Variants in HERC2 observed in about 807,000 individuals in gnomAD.
The protein encoded by HERC2 is HECT and RLD domain containing E3 ubiquitin protein ligase 2, also known as E3 ubiquitin-protein ligase HERC2.
Under a neutral mutation model 537.7 loss-of-function variants are expected in HERC2, and 102 were observed. The ratio of observed to expected loss-of-function variants is 0.19; its 90% CI spans 0.16 to 0.22. HERC2 has a LOEUF of 0.22. Ranked by LOEUF, HERC2 falls within the 10% of genes least tolerant of loss-of-function variation. The probability of loss-of-function intolerance (pLI) is 1.00; values close to 1 mark genes in which losing one functional copy is unlikely to be tolerated. For synonymous variants in HERC2, 2,224 were observed against 2,466.2 expected (o/e 0.90, Z 2.91); for missense variants, 4,236 against 6,198.2 (o/e 0.68, Z 10.63).
chr15:28,295,311 G>T (rs868342611), intron 3 of HERC2, among the ~76,000 whole-genome samples: 8,461 of 109,012 alleles, frequency 0.078, 1,268 homozygotes, highest in African/African-American at 0.27. Flanking sequence ...ATGTGTGTGG[G>T]GGGGGGGGAG....
chr15:28,120,366 G>C (rs182020458), intron 86 of HERC2, among the ~76,000 whole-genome samples: 6 of 152,228 alleles, frequency 3.9e-5, no homozygotes, highest in Admixed American at 2.0e-4. Flanking sequence ...ATCAACATCA[G>C]GGTAAAAATC....
chr15:28,145,454 C>T (rs769205518), intron 71 of HERC2, among the ~76,000 whole-genome samples: 9 of 152,232 alleles, frequency 5.9e-5, no homozygotes, highest in Non-Finnish European at 8.8e-5. Flanking sequence ...GAAAAACTCA[C>T]ATCCAACAAC....
chr15:28,315,422 G>A (rs544287652), intron 2 of HERC2, among the ~76,000 whole-genome samples: 310 of 152,328 alleles, frequency 2.0e-3, no homozygotes, highest in African/African-American at 6.8e-3. Context: ...AGAGAGAGGC[G>A]GCTAAGGAAT....
chr15:28,256,472 AC>A (rs1567079708), intron 17 of HERC2, among the ~76,000 whole-genome samples, 155 bp from the exon 18 acceptor site: 1 of 152,214 alleles, frequency 6.6e-6, no homozygotes, highest in African/African-American at 2.4e-5. Context: ...AAAAACTCTT[AC>A]CCACAATAGT....
At chr15:28,210,424 T>C (rs529145744) in intron 44 of HERC2, among the ~76,000 whole-genome samples, 104 of 152,242 alleles carry the variant, frequency 6.8e-4, no homozygotes, top group African/African-American at 2.1e-3. Flanking sequence ...GCATGAGCCA[T>C]TGTGCCCGGC....
intron 57 of HERC2, 37 bp from the exon 58 acceptor site, chr15:28,179,260 G>C (rs768586351): frequency 6.8e-6 from 10 of 1,463,410 alleles, no homozygotes; most frequent in Admixed American, 2.1e-5. Flanking sequence ...AAAAAGAAAA[G>C]AAAATTTTAC....
chr15:28,228,455 G>A (rs1464376947), intron 34 of HERC2, 46 bp from the exon 35 acceptor site: 3 of 1,567,972 alleles, frequency 1.9e-6, no homozygotes, highest in Non-Finnish European at 2.6e-6. Context: ...ATGGATACAA[G>A]AATAAACGTA....
intron 2 of HERC2, among the ~76,000 whole-genome samples, chr15:28,318,578 G>A (rs2077151266): frequency 6.6e-6 from 1 of 151,730 alleles, no homozygotes; most frequent in Non-Finnish European, 1.5e-5. Context: ...AGCCAAGATG[G>A]CACCACTGCA....
At chr15:28,217,968 T>A (rs1264432946) in intron 38 of HERC2, among the ~76,000 whole-genome samples, 1 of 151,922 alleles carries the variant, frequency 6.6e-6, no homozygotes, top group Admixed American at 6.5e-5. Flanking sequence ...AGAGAACAAA[T>A]TTGTTGTTTG....
At chr15:28,197,874 G>A (rs1246420801) in intron 50 of HERC2, among the ~76,000 whole-genome samples, 1 of 152,090 alleles carries the variant, frequency 6.6e-6, no homozygotes, top group East Asian at 1.9e-4. Flanking sequence ...ATGAATCAAG[G>A]CACAACCAAA....
chr15:28,196,185 G>A (rs1458134406), intron 52 of HERC2, 30 bp downstream of exon 52: 3 of 1,260,254 alleles, frequency 2.4e-6, no homozygotes, highest in Non-Finnish European at 3.3e-6. Flanking sequence ...AATATTTGGT[G>A]GAAGAGAGAA....
At chr15:28,181,038 A>G in intron 57 of HERC2, among the ~76,000 whole-genome samples, 1 of 152,186 alleles carries the variant, frequency 6.6e-6, no homozygotes, top group East Asian at 1.9e-4. Context: ...CCTGTAGACT[A>G]TGCCTTATTT....
At chr15:28,246,556 G>A (rs923367626) in intron 22 of HERC2, among the ~76,000 whole-genome samples, 186 bp downstream of exon 22, 5 of 151,606 alleles carry the variant, frequency 3.3e-5, no homozygotes, top group Non-Finnish European at 5.9e-5. Context: ...AAAGTGATAT[G>A]AGTCCCATAC....
At chr15:28,244,670 T>C (rs1022911425) in intron 23 of HERC2, among the ~76,000 whole-genome samples, 1 of 152,134 alleles carries the variant, frequency 6.6e-6, no homozygotes, top group Non-Finnish European at 1.5e-5. Context: ...AGTATGATAG[T>C]AGAGAGACAA....
chr15:28,148,685 C>A (rs1217641028), intron 70 of HERC2, among the ~76,000 whole-genome samples: 1 of 151,570 alleles, frequency 6.6e-6, no homozygotes, highest in Non-Finnish European at 1.5e-5. Context: ...ACCGAAGAAA[C>A]ACATGCGGCT....
In HERC2 at chr15:28,144,219, G is replaced by A. The variant is rs547247778; in HGVS notation, c.11157C>T (p.Leu3719=). ...GACAGGAGAGGACGCAGCGGTCAGA[G>A]AGGAGTTCTTTAGGGCCTGTGAATG... is the stretch of plus-strand genomic sequence containing the variant. The part of the protein sequence containing the change: ...IMPAAGPKEL[L]SDRCVLSCPS... Residue 3719 remains leucine, a synonymous_variant, in exon 73 of 93, where the codon CTC becomes CTT. Coordinates refer to ENST00000261609, the MANE Select transcript of HERC2 (RefSeq NM_004667.6). 7.4e-6 allele frequency: 12 copies of A among 1,614,068 alleles called. No individual in the cohort carries two copies. Among genetic ancestry groups the A allele is most frequent in the African/African-American group, 6.7e-5 (5 of 75,072 alleles).
At chr15:28,216,958 C>T (rs1289292420) in intron 38 of HERC2, among the ~76,000 whole-genome samples, 1 of 152,142 alleles carries the variant, frequency 6.6e-6, no homozygotes, top group Non-Finnish European at 1.5e-5. Context: ...TGCACTCACA[C>T]CTATACTGTT....
intron 86 of HERC2, among the ~76,000 whole-genome samples, chr15:28,118,880 C>T (rs747772901): frequency 8.5e-5 from 13 of 152,248 alleles, no homozygotes; most frequent in Non-Finnish European, 1.9e-4. Flanking sequence ...GGGAAGGAGC[C>T]ACCTCTGGCA....
chr15:28,177,363 G>A lies in HERC2; in HGVS notation c.9254+56C>T, dbSNP rs1222026235. On this transcript the variant is annotated intron_variant, in intron 60 of 92. Transcript: ENST00000261609. This position sits in a 1 kb window ranked among gnomAD's most constrained non-coding sequence, Gnocchi z 5.0. ...ATTTTCTGCAAAATAATTCTCAAGAGTATCAGTCAGAAACAGTTTCTTATT... is the reference window on the plus strand; with the variant it reads ...ATTTTCTGCAAAATAATTCTCAAGAATATCAGTCAGAAACAGTTTCTTATT... The A allele has an allele frequency of 2.7e-6, 4 of 1,499,930 alleles. No homozygotes were observed. The African/African-American group carries it at 4.1e-5, about 15-fold the overall frequency. 92.9% of individuals were successfully genotyped at this position (1,499,930 alleles called of 1,614,324 possible).
Sources: gnomAD v4.1 joint callset for allele counts (sites outside exome capture counted in the v4.1 genomes callset) on GRCh38, gnomAD v4.1.1 for gene constraint, Gnocchi (gnomAD v3.1) non-coding constraint, MANE v1.5 for transcripts, NCBI Gene and HGNC (gene_info 2026-07-23, HGNC 2026-07-21) for gene names.